CATSPERB: variants seen among roughly 807,000 people sequenced by gnomAD.
CATSPERB encodes the protein catsper channel auxiliary subunit beta.
A neutral mutation model predicts 128.3 loss-of-function variants in CATSPERB; 93 were observed. The ratio of observed to expected loss-of-function variants is 0.72; its 90% CI spans 0.61 to 0.86. The LOEUF (loss-of-function observed/expected upper bound fraction) is 0.86, where lower values mean the gene tolerates loss of function less well. Ranked by LOEUF, CATSPERB falls within the 40% of genes least tolerant of loss-of-function variation. The probability of loss-of-function intolerance (pLI) is 0.00; values close to 1 mark genes in which losing one functional copy is unlikely to be tolerated. For missense variants in CATSPERB, 1,153 were observed against 1,329.5 expected (o/e 0.87, Z 2.06); for synonymous variants, 381 against 448.8 (o/e 0.85, Z 1.91).
At chr14:91,597,251 C>T (rs1893524326) in intron 22 of CATSPERB, among the ~76,000 whole-genome samples, 1 of 152,064 alleles carries the variant, frequency 6.6e-6, no homozygotes, top group Non-Finnish European at 1.5e-5. Context: ...CTTTAAAACA[C>T]TTGATATTAC....
At chr14:91,704,298 G>C (rs554398728) in intron 7 of CATSPERB, among the ~76,000 whole-genome samples, 1 of 151,992 alleles carries the variant, frequency 6.6e-6, no homozygotes, top group Non-Finnish European at 1.5e-5. Flanking sequence ...ATTAATGGAG[G>C]GCATGGGATA....
At chr14:91,595,159 C>T (rs556645700) in intron 22 of CATSPERB, among the ~76,000 whole-genome samples, 10 of 152,088 alleles carry the variant, frequency 6.6e-5, no homozygotes, top group African/African-American at 2.2e-4. Context: ...AGACAAATCA[C>T]GGTATGACTG....
chr14:91,723,214 AAC>A, intron 3 of CATSPERB, 25 bp from the exon 4 acceptor site: 1 of 1,474,288 alleles, frequency 6.8e-7, no homozygotes, highest in Non-Finnish European at 8.9e-7. Context: ...GAAAAAAAAA[AAC>A]AACTAATAAC....
chr14:91,727,375 A>G (rs564086824), intron 2 of CATSPERB, among the ~76,000 whole-genome samples: 2 of 152,320 alleles, frequency 1.3e-5, no homozygotes, highest in African/African-American at 4.8e-5. Context: ...CAGAGGAAGA[A>G]CCATGCCAAA....
intron 22 of CATSPERB, among the ~76,000 whole-genome samples, chr14:91,606,396 C>T (rs187963644): frequency 6.6e-6 from 1 of 151,916 alleles, no homozygotes; most frequent in Admixed American, 6.6e-5. Context: ...AACCCCGTCT[C>T]TACTAAAAAT....
intron 7 of CATSPERB, among the ~76,000 whole-genome samples, chr14:91,699,111 G>A (rs1895606580): frequency 6.6e-6 from 1 of 152,104 alleles, no homozygotes; most frequent in African/African-American, 2.4e-5. Context: ...TTAGTTGATG[G>A]GCACTTAGGT....
intron 15 of CATSPERB, among the ~76,000 whole-genome samples, chr14:91,647,570 G>T (rs1459112478): frequency 6.6e-6 from 1 of 152,182 alleles, no homozygotes; most frequent in Non-Finnish European, 1.5e-5. Context: ...GCTGGGGGAG[G>T]CCTTACAATC....
chr14:91,672,921 T>G lies in CATSPERB; in HGVS notation c.1074A>C (p.Leu358=), dbSNP rs1895124124. The part of the protein sequence containing the change: ...FKGIKIFPTV[L]TFLVDQERGT... ...CACGCTCTTGGTCAACAAGAAATGT[T>G]AGCACAGTTGGAAAAATTTTTATTC... Residue 358 remains leucine, a synonymous_variant, in exon 13 of 27, where the codon CTA becomes CTC. Transcript: ENST00000256343. 1 of 1,601,360 alleles carries G rather than the reference T, an allele frequency of 6.2e-7. No homozygotes were observed. The highest frequency in any genetic ancestry group is 8.5e-7 in the Non-Finnish European group (1 of 1,177,434).
intron 11 of CATSPERB, among the ~76,000 whole-genome samples, chr14:91,680,103 C>T (rs1163670025): frequency 3.9e-5 from 6 of 152,220 alleles, no homozygotes; most frequent in Non-Finnish European, 7.3e-5. Flanking sequence ...TTTACTAATT[C>T]TGCCCCATCT....
intron 26 of CATSPERB, among the ~76,000 whole-genome samples, chr14:91,583,147 G>A (rs866648963): frequency 6.6e-5 from 10 of 152,338 alleles, no homozygotes; most frequent in Middle Eastern, 3.4e-3. Context: ...GGCTGGGCAC[G>A]GTGGCTCATG....
intron 15 of CATSPERB, among the ~76,000 whole-genome samples, chr14:91,653,321 C>G (rs535404335): frequency 6.6e-6 from 1 of 152,208 alleles, no homozygotes; most frequent in South Asian, 2.1e-4. Flanking sequence ...ACCTCAATCT[C>G]AAAAGTTACC....
intron 23 of CATSPERB, among the ~76,000 whole-genome samples, chr14:91,591,140 C>T (rs1893392860): frequency 6.6e-6 from 1 of 152,064 alleles, no homozygotes; most frequent in South Asian, 2.1e-4. Flanking sequence ...TTACTGCAAC[C>T]TCTGCCTCCC....
intron 5 of CATSPERB, among the ~76,000 whole-genome samples, chr14:91,712,081 G>C (rs1267437515): frequency 6.6e-6 from 1 of 152,096 alleles, no homozygotes; most frequent in Non-Finnish European, 1.5e-5. Context: ...TGCTTAGAGA[G>C]AAATATATAG....
chr14:91,671,210 A>G (rs1164980734), intron 13 of CATSPERB, among the ~76,000 whole-genome samples: 1 of 152,176 alleles, frequency 6.6e-6, no homozygotes, highest in African/African-American at 2.4e-5. Flanking sequence ...CCTTCTCCAG[A>G]GGAGTTTTAT....
intron 11 of CATSPERB, among the ~76,000 whole-genome samples, chr14:91,680,187 T>C (rs1164461403): frequency 6.6e-6 from 1 of 152,248 alleles, no homozygotes; most frequent in African/African-American, 2.4e-5. Context: ...CTTCCTTTCC[T>C]GTCATTCTCA....
intron 17 of CATSPERB, among the ~76,000 whole-genome samples, chr14:91,632,836 T>C (rs79372757): frequency 1.2e-4 from 14 of 121,520 alleles, no homozygotes; most frequent in African/African-American, 3.5e-4. Context: ...CACACACACA[T>C]ACACACCAGC....
intron 4 of CATSPERB, among the ~76,000 whole-genome samples, chr14:91,719,912 T>C (rs1478651615): frequency 1.3e-5 from 2 of 152,160 alleles, no homozygotes; most frequent in Admixed American, 1.3e-4. Flanking sequence ...AAATATAAAC[T>C]GTGACCAAAT....
intron 22 of CATSPERB, among the ~76,000 whole-genome samples, chr14:91,599,908 G>A (rs924769082): frequency 5.3e-5 from 8 of 152,184 alleles, no homozygotes; most frequent in African/African-American, 1.9e-4. Context: ...AATAGAAAAG[G>A]AGGCAGGTTT....
intron 2 of CATSPERB, among the ~76,000 whole-genome samples, chr14:91,726,934 T>A (rs552705658): frequency 3.3e-5 from 5 of 152,254 alleles, no homozygotes; most frequent in Admixed American, 3.3e-4. Flanking sequence ...ATCTAAACAC[T>A]AAGTGGAGAG....
Sources: gnomAD v4.1 joint callset for allele counts (sites outside exome capture counted in the v4.1 genomes callset) on GRCh38, gnomAD v4.1.1 for gene constraint, MANE v1.5 for transcripts, NCBI Gene and HGNC (gene_info 2026-07-23, HGNC 2026-07-21) for gene names.